MSTO1: variants seen among roughly 807,000 people sequenced by gnomAD.
MSTO1 encodes misato mitochondrial distribution and morphology regulator 1, also known as protein misato homolog 1.
In MSTO1, 24 loss-of-function variants were observed where a neutral mutation model predicts 55.7. That is an observed-to-expected ratio of 0.43 (90% CI 0.31 to 0.61). MSTO1 has a LOEUF of 0.61. MSTO1 is among the 20% of genes least tolerant of loss of function. The pLI, the probability that MSTO1 is intolerant of heterozygous loss-of-function variation, is 0.09. For synonymous variants in MSTO1, 162 were observed against 252.8 expected (o/e 0.64, Z 3.41); for missense variants, 363 against 625.7 (o/e 0.58, Z 4.48).
the MSTO1 span, among the ~76,000 whole-genome samples, chr1:155,572,547 A>G: frequency 3.3e-5 from 5 of 152,150 alleles, no homozygotes; most frequent in African/African-American, 1.2e-4. Context: ...CCCCGTCTCT[A>G]CTAAAAATAC....
chr1:155,584,278 G>A, the MSTO1 span, among the ~76,000 whole-genome samples: 1 of 152,104 alleles, frequency 6.6e-6, no homozygotes, highest in African/African-American at 2.4e-5. Context: ...AGGATCGCTT[G>A]AATACGGGAG....
the MSTO1 span, among the ~76,000 whole-genome samples, chr1:155,579,325 A>G: frequency 5.0e-5 from 5 of 99,768 alleles, no homozygotes; most frequent in South Asian, 2.4e-4. Context: ...AAACAAGCAA[A>G]CAAACAAACA....
the MSTO1 span, among the ~76,000 whole-genome samples, chr1:155,597,055 G>A: frequency 2.6e-5 from 4 of 151,440 alleles, no homozygotes; most frequent in East Asian, 3.9e-4. Flanking sequence ...CTCAGTGAGC[G>A]GTGATTGCAC....
the MSTO1 span, among the ~76,000 whole-genome samples, chr1:155,585,522 CAAAAAAAA>C: frequency 7.0e-5 from 4 of 56,912 alleles, no homozygotes; most frequent in Non-Finnish European, 1.5e-4. Context: ...GACTCCGTCT[CAAAAAAAA>C]AAAAAAAAAA....
chr1:155,569,927 ATTTC>A, the MSTO1 span, among the ~76,000 whole-genome samples: 2 of 152,130 alleles, frequency 1.3e-5, no homozygotes, highest in African/African-American at 4.8e-5. Flanking sequence ...TTTGGACAGT[ATTTC>A]TTTTATAAAC....
At chr1:155,591,674 C>G in the MSTO1 span, among the ~76,000 whole-genome samples, 1 of 152,002 alleles carries the variant, frequency 6.6e-6, no homozygotes, top group African/African-American at 2.4e-5. Flanking sequence ...CCTGTAATCC[C>G]AGCTACTCGG....
chr1:155,588,082 G>A, the MSTO1 span, among the ~76,000 whole-genome samples: 1 of 151,720 alleles, frequency 6.6e-6, no homozygotes, highest in Non-Finnish European at 1.5e-5. Flanking sequence ...GGTGCCAGGC[G>A]CCTGTAATCT....
Position 155,612,586 on chromosome 1 carries a change from C to T in MSTO1, c.966+16C>T, listed in dbSNP as rs1674452149. 2 of 1,599,232 alleles carry T rather than the reference C, an allele frequency of 1.3e-6. No individual in the cohort carries two copies. The highest frequency in any genetic ancestry group is 2.2e-5 in the South Asian group (2 of 89,876). ...GCATTATGATGTAAGTCTCGGTGCT[C>T]TTGTTCTGACTGCGGCAGGCTACAG... On this transcript the variant is annotated intron_variant, in intron 9 of 13. Transcript: ENST00000245564.
intron 13 of MSTO1, 55 bp from the exon 14 acceptor site, chr1:155,614,004 T>G: frequency 6.2e-7 from 1 of 1,607,856 alleles, no homozygotes; most frequent in Non-Finnish European, 8.5e-7. Flanking sequence ...TTTGGCAGAG[T>G]CCCAGGGCAG....
the MSTO1 span, among the ~76,000 whole-genome samples, chr1:155,573,801 G>A: frequency 6.9e-6 from 1 of 144,178 alleles, no homozygotes; most frequent in African/African-American, 2.6e-5. Flanking sequence ...TCACGCTATT[G>A]CACTCCAGCC....
chr1:155,606,609 G>A (rs1672939790), upstream of MSTO1, among the ~76,000 whole-genome samples: 1 of 151,168 alleles, frequency 6.6e-6, no homozygotes, highest in Non-Finnish European at 1.5e-5. Flanking sequence ...TGGCCAGGTT[G>A]TTCTCAAATC....
chr1:155,613,287 C>A, intron 11 of MSTO1, 54 bp downstream of exon 11: 1 of 1,591,514 alleles, frequency 6.3e-7, no homozygotes, highest in East Asian at 2.2e-5. Context: ...TCATATCCAT[C>A]TTCCCCTAAT....
chr1:155,609,243 A>ACATATATT (rs1673275036), upstream of MSTO1, among the ~76,000 whole-genome samples: 1 of 54,590 alleles, frequency 1.8e-5, no homozygotes, highest in Non-Finnish European at 3.0e-5. Context: ...ATATATATAT[A>ACATATATT]TTTTTTTTTT....
the MSTO1 span, among the ~76,000 whole-genome samples, chr1:155,589,405 C>T: frequency 6.6e-6 from 1 of 151,284 alleles, no homozygotes; most frequent in East Asian, 1.9e-4. Context: ...TAGTTTGGTT[C>T]AGGGTGACTG....
chr1:155,586,773 A>G, the MSTO1 span: 1 of 432,018 alleles, frequency 2.3e-6, no homozygotes, highest in Middle Eastern at 4.0e-4. Context: ...TTTTTAACTC[A>G]GTCTTGCTCT....
the MSTO1 span, among the ~76,000 whole-genome samples, chr1:155,589,915 C>T: frequency 6.6e-6 from 1 of 151,890 alleles, no homozygotes; most frequent in African/African-American, 2.4e-5. Flanking sequence ...CAATACTTTA[C>T]AGCCTTTAAT....
the MSTO1 span, among the ~76,000 whole-genome samples, chr1:155,581,248 A>G: frequency 6.6e-6 from 1 of 152,058 alleles, no homozygotes; most frequent in Non-Finnish European, 1.5e-5. Context: ...TATAGGTGTG[A>G]GTCACCTCAT....
the MSTO1 span, among the ~76,000 whole-genome samples, chr1:155,570,155 T>C: frequency 6.6e-6 from 1 of 152,216 alleles, no homozygotes; most frequent in African/African-American, 2.4e-5. Flanking sequence ...AATTCTAGAA[T>C]GTTAATCCCA....
chr1:155,611,519 C>G (rs1558260453), intron 4 of MSTO1, 30 bp from the exon 5 acceptor site: 12 of 1,613,526 alleles, frequency 7.4e-6, no homozygotes, highest in Non-Finnish European at 1.0e-5. Context: ...CTGCCTGGAA[C>G]TAAATGTCGA....
Sources: allele counts gnomAD v4.1 joint callset (sites outside exome capture counted in the v4.1 genomes callset), GRCh38; gene constraint gnomAD v4.1.1; transcripts MANE v1.5; gene names NCBI Gene and HGNC (gene_info 2026-07-23, HGNC 2026-07-21).